NHLRC2: variants seen among roughly 807,000 people sequenced by gnomAD.
NHLRC2 encodes NHL repeat-containing protein 2.
A neutral mutation model predicts 68.1 loss-of-function variants in NHLRC2; 33 were observed. The ratio of observed to expected loss-of-function variants is 0.48; its 90% CI spans 0.37 to 0.65. The LOEUF is 0.65. NHLRC2 is among the 30% of genes least tolerant of loss of function. NHLRC2 has a pLI of 0.00. For synonymous variants in NHLRC2, 311 were observed against 309.6 expected (o/e 1.00, Z -0.05); for missense variants, 761 against 853.8 (o/e 0.89, Z 1.35).
chr10:113,868,169 G>C (rs932059238), intron 2 of NHLRC2, among the ~76,000 whole-genome samples: 1 of 151,918 alleles, frequency 6.6e-6, no homozygotes, highest in African/African-American at 2.4e-5. Context: ...TTTTTTTATT[G>C]GTGGTGATGG....
chr10:113,872,145 C>T (rs558501682), intron 2 of NHLRC2, among the ~76,000 whole-genome samples: 2 of 151,990 alleles, frequency 1.3e-5, no homozygotes, highest in Non-Finnish European at 2.9e-5. Flanking sequence ...ATTGAAGCCT[C>T]AGAGAAGCAT....
chr10:113,858,439 TAAA>T, intron 1 of NHLRC2, 86 bp from the exon 2 acceptor site: 1 of 854,414 alleles, frequency 1.2e-6, no homozygotes, highest in Non-Finnish European at 1.8e-6. Context: ...GCATTAGTCT[TAAA>T]AAAAAAGGTC....
At position 113,856,501 on chromosome 10, in the gene NHLRC2, T is replaced by C. The variant is rs138469548; in HGVS notation, c.178+1451T>C. Among the ~76,000 whole-genome samples, 292 of 152,174 alleles carry C rather than the reference T, an allele frequency of 1.9e-3. 2 individuals are homozygous for C. The highest frequency in any genetic ancestry group is 6.8e-3 in the African/African-American group (282 of 41,508). On this transcript the variant is annotated intron_variant, in intron 1 of 10. Coordinates refer to ENST00000369301, the MANE Select transcript of NHLRC2 (RefSeq NM_198514.4). ...CTTATCCCATCAAACTTTAAAAGATTGTTTACATCTATACAAATATATGAT... is the reference window on the plus strand; with the variant it reads ...CTTATCCCATCAAACTTTAAAAGATCGTTTACATCTATACAAATATATGAT...
intron 2 of NHLRC2, among the ~76,000 whole-genome samples, chr10:113,865,287 C>T (rs374282759): frequency 2.1e-5 from 3 of 139,808 alleles, no homozygotes; most frequent in South Asian, 2.6e-4. Flanking sequence ...TTCATCCCCC[C>T]CCCCCGTTCC....
intron 2 of NHLRC2, among the ~76,000 whole-genome samples, chr10:113,863,838 G>T (rs944897854): frequency 6.6e-6 from 1 of 152,126 alleles, no homozygotes; most frequent in Non-Finnish European, 1.5e-5. Flanking sequence ...ATGAGCAATT[G>T]TACATTAACA....
rs114845037 is a variant in NHLRC2 at position 113,860,020 on chromosome 10, G to T, written c.331+1340G>T. On this transcript the variant is annotated intron_variant, in intron 2 of 10. Transcript: ENST00000369301. ...AAGAACAGGTAAATAATTTAGTGTG[G>T]CAAGATTGTAAGAGTTCATGGTAAA... is the stretch of plus-strand genomic sequence containing the variant. Among the ~76,000 whole-genome samples, 417 of 152,296 alleles carry T rather than the reference G, an allele frequency of 2.7e-3. 3 individuals carry two copies. The highest frequency in any genetic ancestry group is 9.6e-3 in the African/African-American group (401 of 41,556).
Position 113,908,356 on chromosome 10 carries a change from A to G in NHLRC2, c.2001A>G (p.Leu667=). Residue 667 remains leucine, a synonymous_variant, in exon 11 of 11, where the codon CTA becomes CTG. Coordinates refer to ENST00000369301, the MANE Select transcript of NHLRC2 (RefSeq NM_198514.4). ...ENISSQPTIS[L]QIPDDCLSLE... ...TTTCCAGTCAACCAACAATTTCACT[A>G]CAAATTCCTGATGATTGCTTATCAC... 1.2e-6 allele frequency: 2 copies of G among 1,613,898 alleles called. No individual in the cohort carries two copies. Among genetic ancestry groups the G allele is most frequent in the South Asian group, 2.2e-5 (2 of 91,078 alleles).
intron 5 of NHLRC2, among the ~76,000 whole-genome samples, chr10:113,885,965 T>C (rs973631178): frequency 1.3e-5 from 2 of 152,018 alleles, no homozygotes; most frequent in East Asian, 3.8e-4. Context: ...CTCTATTTGC[T>C]GATGACATGA....
At chr10:113,862,699 AG>A (rs1845828686) in intron 2 of NHLRC2, among the ~76,000 whole-genome samples, 1 of 152,248 alleles carries the variant, frequency 6.6e-6, no homozygotes, top group Non-Finnish European at 1.5e-5. Flanking sequence ...TTAGATCCAA[AG>A]ATACAAACAG....
At chr10:113,879,279 C>CA (rs1846015162) in intron 3 of NHLRC2, among the ~76,000 whole-genome samples, 1 of 152,056 alleles carries the variant, frequency 6.6e-6, no homozygotes, top group East Asian at 1.9e-4. Flanking sequence ...ATCTGTTGAA[C>CA]AATTGGAGTT....
intron 2 of NHLRC2, among the ~76,000 whole-genome samples, chr10:113,869,531 C>G (rs1845902462): frequency 6.6e-6 from 1 of 152,136 alleles, no homozygotes; most frequent in South Asian, 2.1e-4. Context: ...TAGTCACTTA[C>G]CTTCTTCAGT....
At chr10:113,871,139 C>T (rs766568170) in intron 2 of NHLRC2, among the ~76,000 whole-genome samples, 22 of 150,990 alleles carry the variant, frequency 1.5e-4, no homozygotes, top group Non-Finnish European at 3.2e-4. Context: ...ATTCTCCTGC[C>T]TCAGCCTCCC....
chr10:113,858,394 C>T lies in NHLRC2; in HGVS notation c.179-134C>T, dbSNP rs1396023290. On this transcript the variant is annotated intron_variant, in intron 1 of 10. Transcript: ENST00000369301. Reference sequence around the variant, plus strand: ...TATAAATACATGCAACTGCCACAGCCTTTATATGGTGCTACTCTCTCAAAG... The same window carrying T: ...TATAAATACATGCAACTGCCACAGCTTTTATATGGTGCTACTCTCTCAAAG... The T allele has an allele frequency of 1.3e-5, 8 of 598,154 alleles. No homozygotes were observed. The East Asian group carries it at 2.2e-4, about 17-fold the overall frequency. 37.1% of individuals were successfully genotyped at this position (598,154 alleles called of 1,614,324 possible). A position where few individuals can be genotyped will look rare whatever the true frequency, so the allele number is the denominator to read the frequency against.
chr10:113,861,112 A>C (rs964167913), intron 2 of NHLRC2, among the ~76,000 whole-genome samples: 3 of 152,202 alleles, frequency 2.0e-5, no homozygotes, highest in South Asian at 4.1e-4. Context: ...AGGCAGAAAG[A>C]AGAATCAGTG....
At chr10:113,901,406 G>C (rs4345919) in intron 6 of NHLRC2, among the ~76,000 whole-genome samples, 2 of 151,970 alleles carry the variant, frequency 1.3e-5, no homozygotes, top group Non-Finnish European at 2.9e-5. Flanking sequence ...GGGATTTGTC[G>C]TTTAACATTT....
chr10:113,866,649 C>T (rs1324350614), intron 2 of NHLRC2, among the ~76,000 whole-genome samples: 1 of 151,750 alleles, frequency 6.6e-6, no homozygotes, highest in Admixed American at 6.6e-5. Context: ...TAGAAGAATG[C>T]ACTTTTAATT....
At position 113,858,667 on chromosome 10, in the gene NHLRC2, A is replaced by G. The variant is rs1164704592; in HGVS notation, c.318A>G (p.Thr106=). ...LLPDLHALEH[T]YSDKDGLLII... ...CTGATCTCCATGCATTAGAACACAC[A>G]TACTCTGATAAAGGTATCTGCTCTT... Residue 106 remains threonine (T), a synonymous_variant, in exon 2 of 11, where the codon ACA becomes ACG. Transcript: ENST00000369301. 3 of 1,610,522 alleles carry G rather than the reference A, an allele frequency of 1.9e-6. No individual in the cohort carries two copies. The highest frequency in any genetic ancestry group is 2.7e-5 in the African/African-American group (2 of 74,850).
At chr10:113,895,347 T>C (rs1473194082) in intron 5 of NHLRC2, among the ~76,000 whole-genome samples, 1 of 152,236 alleles carries the variant, frequency 6.6e-6, no homozygotes, top group Admixed American at 6.5e-5. Flanking sequence ...ACAAAGCTGC[T>C]GGCCTCTTAG....
intron 5 of NHLRC2, among the ~76,000 whole-genome samples, chr10:113,893,313 G>A (rs1846149393): frequency 6.6e-6 from 1 of 152,176 alleles, no homozygotes. Context: ...GAACCAAATA[G>A]TTCCTTCATT....
Sources: allele counts gnomAD v4.1 joint callset (sites outside exome capture counted in the v4.1 genomes callset), GRCh38; gene constraint gnomAD v4.1.1; transcripts MANE v1.5; gene names NCBI Gene and HGNC (gene_info 2026-07-23, HGNC 2026-07-21).